PPM1E: variants seen among roughly 807,000 people sequenced by gnomAD.
The protein encoded by PPM1E is protein phosphatase 1E.
In PPM1E, 20 loss-of-function variants were observed where a neutral mutation model predicts 65.9. The observed-to-expected ratio is 0.30, with a 90% confidence interval of 0.21 to 0.44. The LOEUF is 0.44. Ranked by LOEUF, PPM1E falls within the 20% of genes least tolerant of loss-of-function variation. PPM1E has a pLI of 1.00. For synonymous variants in PPM1E, 352 were observed against 374.9 expected (o/e 0.94, Z 0.70); for missense variants, 713 against 953.1 (o/e 0.75, Z 3.32).
chr17:58,979,533 G>A (rs188328518), intron 6 of PPM1E, among the ~76,000 whole-genome samples: 1 of 152,252 alleles, frequency 6.6e-6, no homozygotes, highest in East Asian at 1.9e-4. Context: ...TCAGAGCTTT[G>A]GTTTGCTTCT....
intron 1 of PPM1E, among the ~76,000 whole-genome samples, chr17:58,775,074 A>C (rs1354813250): frequency 3.3e-5 from 5 of 152,120 alleles, no homozygotes; most frequent in Non-Finnish European, 7.3e-5. Flanking sequence ...GATGCTTGTG[A>C]TCTCTTGATC....
intron 1 of PPM1E, among the ~76,000 whole-genome samples, chr17:58,776,552 G>A (rs2049996488): frequency 6.6e-6 from 1 of 151,918 alleles, no homozygotes; most frequent in Non-Finnish European, 1.5e-5. Flanking sequence ...ATGTCTCTCT[G>A]GTACACAGGA....
intron 1 of PPM1E, among the ~76,000 whole-genome samples, chr17:58,841,381 T>A (rs886667067): frequency 2.6e-5 from 4 of 152,132 alleles, no homozygotes; most frequent in Non-Finnish European, 5.9e-5. Context: ...AGCCAAGTGA[T>A]TATGGTCAAT....
intron 1 of PPM1E, among the ~76,000 whole-genome samples, chr17:58,770,324 A>G (rs957411067): frequency 1.3e-5 from 2 of 152,124 alleles, no homozygotes; most frequent in Non-Finnish European, 2.9e-5. Flanking sequence ...AAAAGAGGTG[A>G]TATTAGCTTT....
intron 1 of PPM1E, among the ~76,000 whole-genome samples, chr17:58,896,064 G>A (rs1265328950): frequency 3.8e-5 from 5 of 132,222 alleles, no homozygotes; most frequent in South Asian, 2.5e-4. Flanking sequence ...GCAGTGAGCC[G>A]AGATCACACC....
At chr17:58,821,332 G>A (rs980065121) in intron 1 of PPM1E, among the ~76,000 whole-genome samples, 12 of 152,100 alleles carry the variant, frequency 7.9e-5, no homozygotes, top group Non-Finnish European at 1.8e-4. Context: ...GGATGGTCTC[G>A]ATCTCCTGAC....
intron 1 of PPM1E, among the ~76,000 whole-genome samples, chr17:58,860,186 G>A (rs557734656): frequency 6.6e-6 from 1 of 152,284 alleles, no homozygotes; most frequent in East Asian, 1.9e-4. Context: ...CAAAGAGATT[G>A]TAAATAGGAA....
At chr17:58,766,876 G>T (rs531725707) in intron 1 of PPM1E, among the ~76,000 whole-genome samples, 2 of 152,198 alleles carry the variant, frequency 1.3e-5, no homozygotes, top group South Asian at 4.1e-4. Flanking sequence ...TACTTGGAAA[G>T]ATATTGGTCC....
intron 1 of PPM1E, among the ~76,000 whole-genome samples, chr17:58,774,312 A>G (rs1567829577): frequency 6.6e-6 from 1 of 152,186 alleles, no homozygotes; most frequent in Non-Finnish European, 1.5e-5. Context: ...ACATTAGTAC[A>G]TGGTGGAGTA....
At position 58,983,217 on chromosome 17, in the gene PPM1E, C is replaced by T; in HGVS notation, c.*2186C>T. 1 of 280,244 alleles carries T rather than the reference C, an allele frequency of 3.6e-6. No individual in the cohort carries two copies. The highest frequency in any genetic ancestry group is 6.7e-6 in the Non-Finnish European group (1 of 149,686). 17.4% of individuals were successfully genotyped at this position (280,244 alleles called of 1,614,324 possible). A position where few individuals can be genotyped will look rare whatever the true frequency, so the allele number is the denominator to read the frequency against. On this transcript the variant is annotated 3_prime_UTR_variant, in exon 7 of 7. Transcript: ENST00000308249. ...CATTTCTCATGCCATTAGCTCTCTA[C>T]AAAATAAAGCAAAGTAGTTCTAGTG...
At chr17:58,858,709 A>G (rs879594379) in intron 1 of PPM1E, among the ~76,000 whole-genome samples, 5 of 152,124 alleles carry the variant, frequency 3.3e-5, no homozygotes, top group Non-Finnish European at 4.4e-5. Flanking sequence ...TTTATCTATT[A>G]TCTATTGTTG....
chr17:58,950,299 G>T (rs942925125), intron 1 of PPM1E, among the ~76,000 whole-genome samples: 2 of 152,186 alleles, frequency 1.3e-5, no homozygotes, highest in Admixed American at 1.3e-4. Flanking sequence ...GAGACAGGTT[G>T]CAGTGAGCCG....
At chr17:58,909,111 G>A (rs892676644) in intron 1 of PPM1E, among the ~76,000 whole-genome samples, 9 of 151,544 alleles carry the variant, frequency 5.9e-5, no homozygotes, top group African/African-American at 2.2e-4. Flanking sequence ...GTGCATCTAA[G>A]TTTCTGACCT....
intron 1 of PPM1E, among the ~76,000 whole-genome samples, chr17:58,819,930 G>C (rs942230743): frequency 2.0e-5 from 3 of 152,052 alleles, no homozygotes. Flanking sequence ...CCAGCTACTT[G>C]GGAGTCTGAG....
At chr17:58,835,636 T>C (rs1464556713) in intron 1 of PPM1E, among the ~76,000 whole-genome samples, 2 of 151,360 alleles carry the variant, frequency 1.3e-5, no homozygotes, top group South Asian at 2.1e-4. Flanking sequence ...TCAGGCAATA[T>C]AGTGAGACCT....
At chr17:58,781,854 C>T (rs1446501652) in intron 1 of PPM1E, among the ~76,000 whole-genome samples, 1 of 151,758 alleles carries the variant, frequency 6.6e-6, no homozygotes, top group Non-Finnish European at 1.5e-5. Flanking sequence ...CCTGTGCACT[C>T]CAGCCTGGGC....
chr17:58,848,716 A>T (rs1285403762), intron 1 of PPM1E, among the ~76,000 whole-genome samples: 1 of 152,086 alleles, frequency 6.6e-6, no homozygotes, highest in Non-Finnish European at 1.5e-5. Context: ...TTCATCAGGG[A>T]TATTGGTCTA....
rs2049752277 is a variant in PPM1E at position 58,755,868 on chromosome 17, T to TCTCC, written c.-130_-129insCTCC. ...CTGCGGGAGCCCTCTCCAGGCAACCTAGTGCTGATCGCTCGTGCCGGTGCG... is the reference window on the plus strand; with the variant it reads ...CTGCGGGAGCCCTCTCCAGGCAACCTCTCCAGTGCTGATCGCTCGTGCCGGTGCG... On this transcript the variant is annotated 5_prime_UTR_variant, in exon 1 of 7. Transcript: ENST00000308249. 1 of 1,491,652 alleles carries TCTCC rather than the reference T, an allele frequency of 6.7e-7. No homozygotes were observed. The highest frequency in any genetic ancestry group is 1.4e-5 in the African/African-American group (1 of 71,936). The allele number at this position is 1,491,652 out of a possible 1,614,324, so 92.4% of individuals were successfully genotyped here.
chr17:58,930,982 G>A (rs1250900964), intron 1 of PPM1E, among the ~76,000 whole-genome samples: 2 of 151,240 alleles, frequency 1.3e-5, no homozygotes, highest in African/African-American at 4.9e-5. Flanking sequence ...GGGAGGCTGA[G>A]GTGGGTGGAT....
Sources: allele counts gnomAD v4.1 joint callset (sites outside exome capture counted in the v4.1 genomes callset), GRCh38; gene constraint gnomAD v4.1.1; transcripts MANE v1.5; gene names NCBI Gene and HGNC (gene_info 2026-07-23, HGNC 2026-07-21).